TCEA3: variants seen among roughly 807,000 people sequenced by gnomAD.
TCEA3 encodes transcription elongation factor A protein 3.
In TCEA3, 36 loss-of-function variants were observed where a neutral mutation model predicts 44.0. The ratio of observed to expected loss-of-function variants is 0.82; its 90% CI spans 0.63 to 1.08. The LOEUF is 1.08. Ranked by LOEUF, TCEA3 falls within the 50% of genes least tolerant of loss-of-function variation. The probability of loss-of-function intolerance (pLI) is 0.00; values close to 1 mark genes in which losing one functional copy is unlikely to be tolerated. For synonymous variants in TCEA3, 162 were observed against 159.7 expected, an observed-to-expected ratio of 1.01 and a Z score of -0.11; for missense variants, 392 against 441.2, an observed-to-expected ratio of 0.89 and a Z score of 1.00.
chr1:23,411,436 G>A (rs1040285049), intron 4 of TCEA3: 2 of 183,688 alleles, frequency 1.1e-5, no homozygotes, highest in South Asian at 2.6e-4. Flanking sequence ...GGGATTACAA[G>A]CATGAGTCAC....
intron 8 of TCEA3, among the ~76,000 whole-genome samples, chr1:23,389,252 CT>C: frequency 6.6e-6 from 1 of 152,072 alleles, no homozygotes; most frequent in Admixed American, 6.6e-5. Context: ...CTTTGGGAGG[CT>C]GGGACAGGTG....
intron 8 of TCEA3, among the ~76,000 whole-genome samples, chr1:23,390,870 A>C (rs1639004175): frequency 6.6e-6 from 1 of 152,160 alleles, no homozygotes; most frequent in African/African-American, 2.4e-5. Context: ...GCCGGTTCTC[A>C]GGGGACTGAC....
At chr1:23,393,148 G>T (rs1008390262) in intron 8 of TCEA3, among the ~76,000 whole-genome samples, 1 of 152,030 alleles carries the variant, frequency 6.6e-6, no homozygotes, top group Non-Finnish European at 1.5e-5. Context: ...TCACAATAGG[G>T]TTCGTGCTCC....
chr1:23,424,746 G>A lies in TCEA3; in HGVS notation c.-113C>T. On this transcript the variant is annotated 5_prime_UTR_variant, in exon 1 of 11. Coordinates refer to ENST00000450454, the MANE Select transcript of TCEA3 (RefSeq NM_003196.3). ...ACCCGCGCGGGCCCCAAACACACAC[G>A]ACACACACGCCCGGCGGGGGCGGGG... The A allele has an allele frequency of 7.1e-6, 5 of 701,468 alleles. 1 individual carries two copies. In the South Asian group the frequency reaches 7.2e-5, roughly 10 times the overall value. 43.5% of individuals were successfully genotyped at this position (701,468 alleles called of 1,614,324 possible).
At chr1:23,412,961 T>C (rs375759349) in intron 4 of TCEA3, among the ~76,000 whole-genome samples, 1 of 152,288 alleles carries the variant, frequency 6.6e-6, no homozygotes, top group Admixed American at 6.5e-5. Flanking sequence ...AACTGGCTTC[T>C]CCCAGCAGAA....
rs372879943 is a variant in TCEA3 at position 23,390,668 on chromosome 1, G to A, written c.819+3211C>T. Among the ~76,000 whole-genome samples the A allele has an allele frequency of 9.2e-5, 14 of 152,188 alleles. No individual in the cohort carries two copies. The East Asian group carries it at 1.2e-3, about 13-fold the overall frequency. ...AACAGAAAAATCTATCCAGCCACAC[G>A]CCAATTCATTGACTTCTCTGCCCTG... On this transcript the variant is annotated intron_variant, in intron 8 of 10. Transcript: ENST00000450454.
chr1:23,399,567 C>T (rs1246731302), intron 5 of TCEA3, among the ~76,000 whole-genome samples: 1 of 152,076 alleles, frequency 6.6e-6, no homozygotes, highest in East Asian at 1.9e-4. Context: ...GCAATTATCT[C>T]TCTGAGGTGG....
chr1:23,381,647 G>A (rs1638674016), intron 10 of TCEA3, among the ~76,000 whole-genome samples, 173 bp from the exon 11 acceptor site: 1 of 152,208 alleles, frequency 6.6e-6, no homozygotes, highest in African/African-American at 2.4e-5. Flanking sequence ...CCTGTAAAAT[G>A]AGCTCATAAA....
chr1:23,410,830 C>G (rs1639685219), intron 4 of TCEA3: 1 of 153,184 alleles, frequency 6.5e-6, no homozygotes, highest in Non-Finnish European at 1.5e-5. Context: ...AAAATAGAAA[C>G]CATGTTTCAA....
chr1:23,417,715 T>C (rs993435730), intron 3 of TCEA3, among the ~76,000 whole-genome samples, 189 bp downstream of exon 3: 1 of 152,238 alleles, frequency 6.6e-6, no homozygotes, highest in Non-Finnish European at 1.5e-5. Flanking sequence ...CTCACAAGTC[T>C]ACAAATCTTG....
At chr1:23,414,409 T>C (rs1378798358) in intron 4 of TCEA3, among the ~76,000 whole-genome samples, 2 of 149,848 alleles carry the variant, frequency 1.3e-5, no homozygotes, top group African/African-American at 4.9e-5. Context: ...TGTTTTGTTT[T>C]GTTTTGTTTT....
At chr1:23,411,633 G>A (rs1639708507) in intron 4 of TCEA3, 1 of 155,788 alleles carries the variant, frequency 6.4e-6, no homozygotes. Context: ...AAAAGAACAG[G>A]TTTTCCTCTG....
intron 8 of TCEA3, among the ~76,000 whole-genome samples, chr1:23,388,387 G>A (rs1453625013): frequency 1.3e-5 from 2 of 151,628 alleles, no homozygotes; most frequent in East Asian, 3.9e-4. Context: ...TAGTAGAGAC[G>A]GGGTTTCACC....
At chr1:23,397,005 C>CAAA (rs34931042) in intron 7 of TCEA3, among the ~76,000 whole-genome samples, 7 of 68,328 alleles carry the variant, frequency 1.0e-4, no homozygotes, top group East Asian at 3.7e-4. Flanking sequence ...AACTCCGTCT[C>CAAA]AAAAAAAAAA....
chr1:23,417,242 A>G lies in TCEA3; in HGVS notation c.380+7T>C. ...AGCTCCCTTCTCTCCATCCCAAAAA[A>G]GAATACCTGGTTTTGGGGTCTTCTC... On this transcript the variant is annotated splice_region_variant and intron_variant, in intron 4 of 10. Transcript: ENST00000450454. 6.2e-7 allele frequency: 1 copy of G among 1,612,152 alleles called. No homozygotes were observed. The highest frequency in any genetic ancestry group is 1.1e-5 in the South Asian group (1 of 90,716).
intron 2 of TCEA3, among the ~76,000 whole-genome samples, chr1:23,418,626 T>C (rs1639965572): frequency 6.6e-6 from 1 of 152,198 alleles, no homozygotes; most frequent in Non-Finnish European, 1.5e-5. Context: ...CTAGTGTCTT[T>C]GAGCTCCAGT....
rs1378232712 is a variant in TCEA3 at position 23,407,307 on chromosome 1, T to C, written c.443+1357A>G. On this transcript the variant is annotated intron_variant, in intron 5 of 10. Coordinates refer to ENST00000450454, the MANE Select transcript of TCEA3 (RefSeq NM_003196.3). ...ATCCAAGCCACCATGATATCTTGCC[T>C]GAATTACCGCAACAGCCTCCTGGCT... 2.0e-5 allele frequency among the ~76,000 whole-genome samples: 3 copies of C among 152,198 alleles called. No individual in the cohort carries two copies. In the East Asian group the frequency reaches 5.8e-4, roughly 29 times the overall value.
At chr1:23,406,393 C>T (rs1260470742) in intron 5 of TCEA3, among the ~76,000 whole-genome samples, 1 of 152,182 alleles carries the variant, frequency 6.6e-6, no homozygotes, top group African/African-American at 2.4e-5. Flanking sequence ...ATCATCCCAC[C>T]AAGGTGCCCC....
chr1:23,423,314 C>T, intron 1 of TCEA3, among the ~76,000 whole-genome samples: 1 of 152,218 alleles, frequency 6.6e-6, no homozygotes, highest in Non-Finnish European at 1.5e-5. Flanking sequence ...TCTGTCTCAT[C>T]TCTCCAATCC....
Sources: allele counts gnomAD v4.1 joint callset (sites outside exome capture counted in the v4.1 genomes callset), GRCh38; gene constraint gnomAD v4.1.1; transcripts MANE v1.5; gene names NCBI Gene and HGNC (gene_info 2026-07-23, HGNC 2026-07-21).